The following ESR1 variants were observed in gnomAD, a reference collection of about 807,000 sequenced individuals.
The protein encoded by ESR1 is estrogen receptor.
ESR1 carries 12 observed loss-of-function variants against 52.7 expected under a neutral mutation model. The observed-to-expected ratio is 0.23, with a 90% CI of 0.15 to 0.37. The LOEUF (loss-of-function observed/expected upper bound fraction) is 0.37, where lower values mean the gene tolerates loss of function less well. Among genes scored for constraint, ESR1 ranks in the 10% least tolerant of loss-of-function variants. ESR1 has a pLI of 1.00. For missense variants in ESR1, 584 were observed against 779.7 expected, an observed-to-expected ratio of 0.75 and a Z score of 2.99; for synonymous variants, 305 against 316.8, an observed-to-expected ratio of 0.96 and a Z score of 0.39.
chr6:152,016,769 G>A (rs1297144469), intron 5 of ESR1, among the ~76,000 whole-genome samples: 1 of 152,106 alleles, frequency 6.6e-6, no homozygotes, highest in Non-Finnish European at 1.5e-5. Flanking sequence ...AAGCTAAGTG[G>A]TTGACAGCTG....
Position 151,671,911 on chromosome 6 carries a change from G to GAACCC in ESR1, n.73+15150_73+15154dup, listed in dbSNP as rs1394445541. On this transcript the variant is annotated intron_variant and non_coding_transcript_variant, in intron 1 of 2. Transcript: ENST00000473497. ...GGAGGCTGAGACAGGGGAATTGCTC[G>GAACCC]AACCCAGGAGATGGAGGTTGCAGTG... Among the ~76,000 whole-genome samples, 11 of 152,266 alleles carry GAACCC rather than the reference G, an allele frequency of 7.2e-5. No individual in the cohort carries two copies. The South Asian group carries it at 2.1e-3, about 29-fold the overall frequency.
At chr6:151,913,576 T>C (rs1236706280) in intron 3 of ESR1, among the ~76,000 whole-genome samples, 2 of 152,236 alleles carry the variant, frequency 1.3e-5, no homozygotes, top group Non-Finnish European at 2.9e-5. Flanking sequence ...TATTTCATAA[T>C]TGTGATTATT....
At chr6:151,803,092 A>G (rs1777427455), upstream of ESR1, among the ~76,000 whole-genome samples, 2 of 152,182 alleles carry the variant, frequency 1.3e-5, no homozygotes, top group African/African-American at 4.8e-5. Context: ...AAGTATCTAT[A>G]TCAATAAATT....
intron 2 of ESR1, among the ~76,000 whole-genome samples, chr6:151,753,262 C>T (rs987405309): frequency 2.6e-5 from 4 of 151,620 alleles, no homozygotes; most frequent in South Asian, 2.1e-4. Flanking sequence ...ATACACAAAC[C>T]AGTTTGGAAA....
At chr6:152,007,311 A>C (rs998504555) in intron 4 of ESR1, among the ~76,000 whole-genome samples, 1 of 152,042 alleles carries the variant, frequency 6.6e-6, no homozygotes, top group Admixed American at 6.6e-5. Flanking sequence ...AGTCAACACA[A>C]AGTTAACACA....
intron 4 of ESR1, among the ~76,000 whole-genome samples, chr6:151,976,163 C>T (rs1262986572): frequency 1.3e-5 from 2 of 151,640 alleles, no homozygotes; most frequent in East Asian, 3.9e-4. Flanking sequence ...TTTTAATGCT[C>T]AATAAAAGAA....
chr6:151,710,866 C>T (rs1395632204), intron 2 of ESR1, among the ~76,000 whole-genome samples: 1 of 152,160 alleles, frequency 6.6e-6, no homozygotes, highest in Non-Finnish European at 1.5e-5. Context: ...CATGTCCCTA[C>T]AAAGGACATG....
chr6:151,696,006 A>G (rs886212988), intron 1 of ESR1, among the ~76,000 whole-genome samples: 1 of 152,240 alleles, frequency 6.6e-6, no homozygotes, highest in Non-Finnish European at 1.5e-5. Flanking sequence ...AAGTTTTCTG[A>G]AAGAATATTT....
At chr6:151,756,355 C>T (rs541851536) in intron 2 of ESR1, among the ~76,000 whole-genome samples, 2 of 152,242 alleles carry the variant, frequency 1.3e-5, no homozygotes, top group East Asian at 1.9e-4. Context: ...TCAAGCAATT[C>T]TCCTGCCTCG....
intron 1 of ESR1, chr6:151,701,795 G>A (rs752529250): frequency 2.6e-5 from 4 of 152,078 alleles, no homozygotes; most frequent in Non-Finnish European, 5.9e-5. Flanking sequence ...ACTTAAGTGG[G>A]GAGTCAAACT....
chr6:151,986,366 A>G (rs764492324), intron 4 of ESR1, among the ~76,000 whole-genome samples: 2 of 152,170 alleles, frequency 1.3e-5, no homozygotes, highest in African/African-American at 2.4e-5. Flanking sequence ...GTAACACACC[A>G]TCACTTAGTG....
At chr6:151,869,097 G>GA (rs1421968266) in intron 2 of ESR1, among the ~76,000 whole-genome samples, 1 of 32,174 alleles carries the variant, frequency 3.1e-5, no homozygotes, top group Non-Finnish European at 9.6e-5. Flanking sequence ...GTCCTGTTCA[G>GA]GGTTCTGAGT....
intron 3 of ESR1, among the ~76,000 whole-genome samples, chr6:151,907,003 T>C (rs1025588286): frequency 3.3e-5 from 5 of 151,966 alleles, no homozygotes; most frequent in African/African-American, 9.7e-5. Flanking sequence ...AATTAAGCAA[T>C]ACATTCTTTC....
At chr6:151,750,016 A>G (rs1166340958) in intron 2 of ESR1, among the ~76,000 whole-genome samples, 1 of 152,226 alleles carries the variant, frequency 6.6e-6, no homozygotes, top group African/African-American at 2.4e-5. Flanking sequence ...TACAAAAGGA[A>G]TGAGGGAGGG....
At chr6:151,785,845 G>A (rs1786970872) in intron 2 of ESR1, among the ~76,000 whole-genome samples, 1 of 152,216 alleles carries the variant, frequency 6.6e-6, no homozygotes, top group South Asian at 2.1e-4. Context: ...TGTGATTCAA[G>A]TACAGGCACT....
At position 151,885,811 on chromosome 6, in the gene ESR1, C is replaced by T. The variant is rs1269782970; in HGVS notation, c.760+5040C>T. On this transcript the variant is annotated intron_variant, in intron 3 of 7. Coordinates refer to ENST00000206249, the MANE Select transcript of ESR1 (RefSeq NM_000125.4). The stretch of plus-strand genomic sequence containing the variant: ...CACAGGTTGCAGTGAGCCGAGATTG[C>T]ACCACTGCATTCCAGCCTGGGCAAC... Among the ~76,000 whole-genome samples the T allele has an allele frequency of 5.9e-5, 9 of 152,126 alleles. 1 individual carries two copies.
rs1420431542 is a variant in ESR1, at chr6:152,053,904, T to C, written c.1236-7087T>C. Among the ~76,000 whole-genome samples, 1 of 152,196 alleles carries C rather than the reference T, an allele frequency of 6.6e-6. No individual in the cohort carries two copies. Among genetic ancestry groups the C allele is most frequent in the African/African-American group, 2.4e-5 (1 of 41,448 alleles). ...CATACTTTTGTAAGTGTAGAAAATA[T>C]ATGTATAGGAATAATTGCACATTGT... On this transcript the variant is annotated intron_variant, in intron 5 of 7. Transcript: ENST00000206249. The surrounding 1 kb of genome is among the most constrained non-coding windows in gnomAD (Gnocchi z 4.1).
intron 5 of ESR1, among the ~76,000 whole-genome samples, chr6:152,057,381 A>G (rs1469076823): frequency 1.3e-5 from 2 of 152,198 alleles, no homozygotes; most frequent in East Asian, 3.8e-4. Flanking sequence ...TTTATTTATT[A>G]TGCAAATAGT....
chr6:151,812,574 G>A (rs143665189), intron 1 of ESR1, among the ~76,000 whole-genome samples: 333 of 152,084 alleles, frequency 2.2e-3, no homozygotes, highest in Middle Eastern at 0.01. Context: ...TCTAAAATCC[G>A]TACTCAGCAT....
Sources: allele counts gnomAD v4.1 joint callset (sites outside exome capture counted in the v4.1 genomes callset), GRCh38; gene constraint gnomAD v4.1.1; non-coding constraint Gnocchi (gnomAD v3.1); transcripts MANE v1.5; gene names NCBI Gene and HGNC (gene_info 2026-07-23, HGNC 2026-07-21).